Variants in KCTD18 observed in about 807,000 individuals in gnomAD.
The protein encoded by KCTD18 is BTB/POZ domain-containing protein KCTD18.
Under a neutral mutation model 30.4 loss-of-function variants are expected in KCTD18, and 22 were observed. The ratio of observed to expected loss-of-function variants is 0.72; its 90% CI spans 0.52 to 1.03. The LOEUF (loss-of-function observed/expected upper bound fraction) is 1.03. Ranked by LOEUF, KCTD18 falls within the 50% of genes least tolerant of loss-of-function variation. The probability of loss-of-function intolerance (pLI) is 0.00; values close to 1 mark genes in which losing one functional copy is unlikely to be tolerated. For synonymous variants in KCTD18, 186 were observed against 209.0 expected (o/e 0.89, Z 0.95); for missense variants, 529 against 547.6 (o/e 0.97, Z 0.34).
At chr2:200,490,638 A>G in intron 6 of KCTD18, 22 bp from the exon 7 acceptor site, 1 of 1,555,388 alleles carries the variant, frequency 6.4e-7, no homozygotes, top group African/African-American at 1.4e-5. Context: ...GAAGCGTGTC[A>G]TTTTCCACAT....
At chr2:200,494,282 T>C (rs913681548) in intron 5 of KCTD18, among the ~76,000 whole-genome samples, 10 of 152,138 alleles carry the variant, frequency 6.6e-5, no homozygotes, top group African/African-American at 2.4e-4. Context: ...TGGAGAGAGG[T>C]AATGATTGCA....
chr2:200,495,790 A>T (rs1276534571), intron 5 of KCTD18: 2 of 151,924 alleles, frequency 1.3e-5, no homozygotes, highest in Non-Finnish European at 2.9e-5. Flanking sequence ...TACTTTGTCC[A>T]GTTAATGCAA....
In KCTD18 at chr2:200,506,965, C is replaced by A. The variant is rs1055237519; in HGVS notation, c.52G>T (p.Val18Leu). 4 of 1,613,944 alleles carry A rather than the reference C, an allele frequency of 2.5e-6. No individual in the cohort carries two copies. The highest frequency in any genetic ancestry group is 1.7e-6 in the Non-Finnish European group (2 of 1,179,906). ...CGGGCTGTGTAAATACAGCCACCCACGTTCAGTCGGAGAACATCTAGCACC... is the reference window on the plus strand; with the variant it reads ...CGGGCTGTGTAAATACAGCCACCCAAGTTCAGTCGGAGAACATCTAGCACC... ...EEVLDVLRLN[V>L]GGCIYTARRE... The change falls in exon 2 of 7, where the codon GTG becomes TTG. Residue 18 changes from valine (V) to leucine (L), a missense_variant. Physicochemically the swap from Val to Leu is conservative, Grantham distance 32 (BLOSUM62 1). Transcript: ENST00000359878.
rs538095843 is a variant in KCTD18 at position 200,503,374 on chromosome 2, T to C, written c.372+1374A>G. On this transcript the variant is annotated intron_variant, in intron 3 of 6. Transcript: ENST00000359878. ...CATCTACAAGAATTCCCAACTATAC[T>C]ATAAACTTCAAGGGCAAAGAACTAC... Among the ~76,000 whole-genome samples, 14 of 152,340 alleles carry C rather than the reference T, an allele frequency of 9.2e-5. No individual in the cohort carries two copies. In the East Asian group the frequency reaches 1.7e-3, roughly 19 times the overall value.
At position 200,490,293 on chromosome 2, in the gene KCTD18, T is replaced by C; in HGVS notation, c.1088A>G (p.Lys363Arg). 3 of 1,614,244 alleles carry C rather than the reference T, an allele frequency of 1.9e-6. No individual in the cohort carries two copies. Among genetic ancestry groups the C allele is most frequent in the Non-Finnish European group, 2.5e-6 (3 of 1,180,036 alleles). ...ENGGTHLPPAKVLLSDKKPTP... is the reference protein window; with the variant it reads ...ENGGTHLPPARVLLSDKKPTP... ...AGGCTTCTTGTCGGAGAGTAGCACC[T>C]TAGCTGGAGGTAAGTGCGTGCCTCC... is the stretch of plus-strand genomic sequence containing the variant. Residue 363 changes from lysine (K) to arginine (R), a missense_variant, in exon 7 of 7, where the codon AAG becomes AGG. Lys to Arg is a conservative substitution (Grantham distance 26). Transcript: ENST00000359878.
chr2:200,496,924 TC>T (rs905257078), intron 5 of KCTD18: 12 of 152,490 alleles, frequency 7.9e-5, no homozygotes, highest in Non-Finnish European at 1.5e-4. Flanking sequence ...TGCCTCAGCC[TC>T]CCAAGTAACT....
Position 200,492,118 on chromosome 2 carries a change from C to G in KCTD18, c.764+1054G>C, listed in dbSNP as rs2087928743. On this transcript the variant is annotated intron_variant, in intron 6 of 6. Coordinates refer to ENST00000359878, the MANE Select transcript of KCTD18 (RefSeq NM_152387.4). ...GTCTCCGTAAACCACTCCTGCCTGCCTGCTATGTTTTCCATCTACATCTTC... is the reference window on the plus strand; with the variant it reads ...GTCTCCGTAAACCACTCCTGCCTGCGTGCTATGTTTTCCATCTACATCTTC... Among the ~76,000 whole-genome samples, 7 of 152,166 alleles carry G rather than the reference C, an allele frequency of 4.6e-5. No individual in the cohort carries two copies. The South Asian group carries it at 1.4e-3, about 31-fold the overall frequency.
chr2:200,493,335 CTG>C, intron 5 of KCTD18, 61 bp from the exon 6 acceptor site: 1 of 985,490 alleles, frequency 1.0e-6, no homozygotes, highest in Admixed American at 1.7e-5. Flanking sequence ...CTGAGCAACA[CTG>C]TTTCGCCTAA....
chr2:200,495,152 A>G (rs2087981531), intron 5 of KCTD18, among the ~76,000 whole-genome samples: 1 of 152,214 alleles, frequency 6.6e-6, no homozygotes, highest in Non-Finnish European at 1.5e-5. Context: ...TCAGAAGACC[A>G]GGAATCATTG....
At chr2:200,494,362 C>T (rs529594007) in intron 5 of KCTD18, among the ~76,000 whole-genome samples, 1 of 152,258 alleles carries the variant, frequency 6.6e-6, no homozygotes, top group Admixed American at 6.5e-5. Context: ...GAATTTCCAT[C>T]TCAATTTTTT....
intron 5 of KCTD18, among the ~76,000 whole-genome samples, chr2:200,494,059 G>GT (rs1171437017): frequency 6.6e-6 from 1 of 152,204 alleles, no homozygotes; most frequent in Non-Finnish European, 1.5e-5. Flanking sequence ...GCTGAAAAAT[G>GT]TATTTATTCT....
Position 200,490,198 on chromosome 2 carries a change from T to G in KCTD18, c.1183A>C (p.Thr395Pro). 1 of 1,613,936 alleles carries G rather than the reference T, an allele frequency of 6.2e-7. No individual in the cohort carries two copies. Among genetic ancestry groups the G allele is most frequent in the East Asian group, 2.2e-5 (1 of 44,878 alleles). Residue 395 changes from threonine to proline, a missense_variant, in exon 7 of 7, where the codon ACG becomes CCG. Transcript: ENST00000359878. ...AGGGAGTTGGCCTGCCTCGTGGCCG[T>G]GGGGGAGGGCAGGCAAGGCGCGGTG... ...CATAPCLPSPTATRQANSLKP... is the reference protein window; with the variant it reads ...CATAPCLPSPPATRQANSLKP...
At chr2:200,503,561 AGATGAGCATTAACC>A (rs1383817356) in intron 3 of KCTD18, among the ~76,000 whole-genome samples, 1 of 152,228 alleles carries the variant, frequency 6.6e-6, no homozygotes, top group Non-Finnish European at 1.5e-5. Flanking sequence ...AGACTTCTGA[AGATGAGCATTAACC>A]CTCCCAACCT....
chr2:200,493,307 A>C, intron 5 of KCTD18, 33 bp from the exon 6 acceptor site: 1 of 1,200,840 alleles, frequency 8.3e-7, no homozygotes, highest in South Asian at 1.2e-5. Flanking sequence ...TAAGACAGCT[A>C]CCATCCACTG....
Position 200,497,710 on chromosome 2 carries a change from T to TA in KCTD18, c.661+42dup, listed in dbSNP as rs1559183283. 6.2e-6 allele frequency: 8 copies of TA among 1,292,062 alleles called. No individual in the cohort carries two copies. The South Asian group carries it at 9.8e-5, about 16-fold the overall frequency. The allele number at this position is 1,292,062 out of a possible 1,614,324, so 80.0% of individuals were successfully genotyped here. ...TTGAGCTTACTTTGTCTTTTTTTTT[T>TA]AAAGTCCACCTGCTTCCATGAAATA... On this transcript the variant is annotated intron_variant, in intron 5 of 6. Transcript: ENST00000359878.
At chr2:200,493,857 C>T (rs2087959266) in intron 5 of KCTD18, among the ~76,000 whole-genome samples, 1 of 152,166 alleles carries the variant, frequency 6.6e-6, no homozygotes, top group Non-Finnish European at 1.5e-5. Context: ...GCCTTGTCTA[C>T]TTCACTGGGT....
At chr2:200,506,091 C>T (rs2030180964) in intron 2 of KCTD18, among the ~76,000 whole-genome samples, 1 of 152,106 alleles carries the variant, frequency 6.6e-6, no homozygotes, top group Non-Finnish European at 1.5e-5. Flanking sequence ...AAGCAACCTC[C>T]TAACACCAGA....
At position 200,494,728 on chromosome 2, in the gene KCTD18, C is replaced by T. The variant is rs114108593; in HGVS notation, c.662-1454G>A. Among the ~76,000 whole-genome samples the T allele has an allele frequency of 2.7e-3, 407 of 152,012 alleles. 1 individual carries two copies. The highest frequency in any genetic ancestry group is 9.3e-3 in the African/African-American group (386 of 41,456). On this transcript the variant is annotated intron_variant, in intron 5 of 6. Coordinates refer to ENST00000359878, the MANE Select transcript of KCTD18 (RefSeq NM_152387.4). ...ATAATTTATGTAAAATAAAATTCACCCTTTTCAGGTACACATTTCAATGAG... is the reference window on the plus strand; with the variant it reads ...ATAATTTATGTAAAATAAAATTCACTCTTTTCAGGTACACATTTCAATGAG...
At chr2:200,506,771 A>T in intron 2 of KCTD18, 86 bp downstream of exon 2, 1 of 1,232,870 alleles carries the variant, frequency 8.1e-7, no homozygotes, top group Non-Finnish European at 1.2e-6. Flanking sequence ...CATCTAGTAC[A>T]TTTCGCTGTA....
Sources: allele counts gnomAD v4.1 joint callset (sites outside exome capture counted in the v4.1 genomes callset), GRCh38; gene constraint gnomAD v4.1.1; transcripts MANE v1.5; gene names NCBI Gene and HGNC (gene_info 2026-07-23, HGNC 2026-07-21).